Variants in MYCBP2 observed in about 807,000 individuals in gnomAD.
The protein encoded by MYCBP2 is MYC binding protein 2, also known as E3 ubiquitin-protein ligase MYCBP2.
A neutral mutation model predicts 525.3 loss-of-function variants in MYCBP2; 120 were observed. That is an observed-to-expected ratio of 0.23 (90% CI 0.20 to 0.27). The LOEUF is 0.27. Among genes scored for constraint, MYCBP2 ranks in the 10% least tolerant of loss-of-function variants. The probability of loss-of-function intolerance (pLI) is 1.00; values close to 1 mark genes in which losing one functional copy is unlikely to be tolerated. For missense variants in MYCBP2, 4,149 were observed against 5,657.1 expected (o/e 0.73, Z 8.55); for synonymous variants, 1,894 against 1,955.8 (o/e 0.97, Z 0.83).
At position 77,176,643 on chromosome 13, in the gene MYCBP2, T is replaced by A. The variant is rs201198960; in HGVS notation, c.5341-15A>T. 2.8e-5 allele frequency: 40 copies of A among 1,445,402 alleles called. No individual in the cohort carries two copies. The highest frequency in any genetic ancestry group is 1.7e-4 in the East Asian group (7 of 42,232). The allele number at this position is 1,445,402 out of a possible 1,614,324, so 89.5% of individuals were successfully genotyped here. A position where few individuals can be genotyped will look rare whatever the true frequency, so the allele number is the denominator to read the frequency against. On this transcript the variant is annotated splice_polypyrimidine_tract_variant and intron_variant, in intron 35 of 82. Coordinates refer to ENST00000544440, the MANE Select transcript of MYCBP2 (RefSeq NM_015057.5). ...GCATGTTCACTCTAAAAAAAAAAAATGAAACACAAAAATTCCAACAGACTC... is the reference window on the plus strand; with the variant it reads ...GCATGTTCACTCTAAAAAAAAAAAAAGAAACACAAAAATTCCAACAGACTC...
At chr13:77,229,925 T>C (rs1186068628) in intron 18 of MYCBP2, among the ~76,000 whole-genome samples, 1 of 152,190 alleles carries the variant, frequency 6.6e-6, no homozygotes, top group East Asian at 1.9e-4. Context: ...TAGGACTATC[T>C]CTAGAACAAT....
chr13:77,175,308 A>G (rs1388411006), intron 36 of MYCBP2, among the ~76,000 whole-genome samples: 1 of 151,952 alleles, frequency 6.6e-6, no homozygotes, highest in Non-Finnish European at 1.5e-5. Context: ...AGATGTGAGG[A>G]AAAAAATGGT....
At chr13:77,231,839 T>C (rs1352898162) in intron 18 of MYCBP2, among the ~76,000 whole-genome samples, 1 of 152,232 alleles carries the variant, frequency 6.6e-6, no homozygotes, top group Non-Finnish European at 1.5e-5. Context: ...AGATCAGACA[T>C]TCTGGCAAAT....
At position 77,168,558 on chromosome 13, in the gene MYCBP2, G is replaced by C; in HGVS notation, c.5984C>G (p.Pro1995Arg). 1 of 1,614,134 alleles carries C rather than the reference G, an allele frequency of 6.2e-7. No individual in the cohort carries two copies. The highest frequency in any genetic ancestry group is 8.5e-7 in the Non-Finnish European group (1 of 1,180,028). ...TGTGGTGCTATCTGTCGACTGATTAGGGTTGAAGGCAGGCGGTGCATACTT... is the reference window on the plus strand; with the variant it reads ...TGTGGTGCTATCTGTCGACTGATTACGGTTGAAGGCAGGCGGTGCATACTT... ...NQKYAPPAFN[P>R]NQSTDSTTGN... The change falls in exon 40 of 83, where the codon CCT (proline) becomes CGT (arginine). Residue 1995 changes from proline to arginine, a missense_variant. This residue lies in a region of MYCBP2 where 692 missense variants were observed against 852.7 expected (regional missense o/e 0.81). Coordinates refer to ENST00000544440, the MANE Select transcript of MYCBP2 (RefSeq NM_015057.5).
Position 77,064,632 on chromosome 13 carries a change from A to G in MYCBP2, c.12655T>C (p.Cys4219Arg). 7 of 1,612,300 alleles carry G rather than the reference A, an allele frequency of 4.3e-6. No individual in the cohort carries two copies. The highest frequency in any genetic ancestry group is 5.9e-6 in the Non-Finnish European group (7 of 1,179,032). ...MEEEFRSPVR[C>R]IATTRLWLAL... Reference sequence around the variant, plus strand: ...AAACCTACTCTAGTTGTTGCAATACATCTCACTGGAGACCTAAATTCTTCT... The same window carrying G: ...AAACCTACTCTAGTTGTTGCAATACGTCTCACTGGAGACCTAAATTCTTCT... Residue 4219 changes from cysteine (C) to arginine (R), a missense_variant, in exon 73 of 83, where the codon TGT (cysteine) becomes CGT (arginine). Physicochemically the swap from Cys to Arg is radical, Grantham distance 180 (BLOSUM62 -3). Around this residue, in one of 21 missense-constraint regions of MYCBP2, gnomAD observed 148 missense variants for 179.4 expected, o/e 0.82. Transcript: ENST00000544440.
Position 77,083,115 on chromosome 13 carries a change from G to C in MYCBP2, c.10953C>G (p.His3651Gln), listed in dbSNP as rs770386344. ...IAGEAAHPLP[H>Q]TFHRLLQTIS... ...TGGTCTGCAGCAAGCGGTGAAAGGT[G>C]TGTGGTAAAGGATGAGCAGCTTCCC... The change falls in exon 63 of 83, where the codon CAC becomes CAG. Residue 3651 changes from histidine (H) to glutamine (Q), a missense_variant. By Grantham distance (24) the His-to-Gln change is conservative. This residue lies in a region of MYCBP2 where 509 missense variants were observed against 789.4 expected (regional missense o/e 0.64). Transcript: ENST00000544440. 1 of 1,613,586 alleles carries C rather than the reference G, an allele frequency of 6.2e-7. No individual in the cohort carries two copies. The highest frequency in any genetic ancestry group is 1.1e-5 in the South Asian group (1 of 91,066).
chr13:77,243,551 T>C (rs2069261806), intron 16 of MYCBP2, among the ~76,000 whole-genome samples: 1 of 151,298 alleles, frequency 6.6e-6, no homozygotes, highest in South Asian at 2.1e-4. Context: ...AGGCGGAGGT[T>C]GCAGTGAGCT....
At chr13:77,125,692 T>C (rs962197238) in intron 53 of MYCBP2, among the ~76,000 whole-genome samples, 1 of 152,184 alleles carries the variant, frequency 6.6e-6, no homozygotes, top group African/African-American at 2.4e-5. Context: ...ATAATAACTT[T>C]CAAAGCACAA....
At position 77,146,206 on chromosome 13, in the gene MYCBP2, A is replaced by G. The variant is rs1278148851; in HGVS notation, c.7143T>C (p.Asn2381=). 3 of 1,594,406 alleles carry G rather than the reference A, an allele frequency of 1.9e-6. No homozygotes were observed. Among genetic ancestry groups the G allele is most frequent in the South Asian group, 1.2e-5 (1 of 86,438 alleles). The change falls in exon 48 of 83, where the codon AAT becomes AAC. Residue 2381 remains asparagine, a synonymous_variant. Coordinates refer to ENST00000544440, the MANE Select transcript of MYCBP2 (RefSeq NM_015057.5). ...CAAAACGTAGTTCTTCAAATGAATA[A>G]TTTTCATAAACCTTTAAGAAAGAGA... ...IAITMMKVYE[N]YSFEELRFAS...
chr13:77,262,761 T>C (rs2073514003), intron 10 of MYCBP2, among the ~76,000 whole-genome samples: 2 of 152,140 alleles, frequency 1.3e-5, no homozygotes, highest in South Asian at 4.1e-4. Flanking sequence ...TGAGTAATTG[T>C]AGCTTTACAT....
At chr13:77,307,935 T>C (rs1437748583) in intron 1 of MYCBP2, among the ~76,000 whole-genome samples, 2 of 152,162 alleles carry the variant, frequency 1.3e-5, no homozygotes, top group Non-Finnish European at 2.9e-5. Context: ...TTCCTCTTCC[T>C]GTCCCTTAAG....
chr13:77,218,281 A>T (rs149782128), intron 20 of MYCBP2, among the ~76,000 whole-genome samples: 1 of 152,298 alleles, frequency 6.6e-6, no homozygotes, highest in East Asian at 1.9e-4. Flanking sequence ...CCTGTTAGAG[A>T]TCTTTATAAA....
At chr13:77,164,403 C>G in intron 43 of MYCBP2, 51 bp downstream of exon 43, 1 of 1,257,768 alleles carries the variant, frequency 8.0e-7, no homozygotes, top group Non-Finnish European at 1.2e-6. Flanking sequence ...ATAATACATA[C>G]AAAACAAAAC....
At position 77,093,805 on chromosome 13, in the gene MYCBP2, G is replaced by A. The variant is rs2045810233; in HGVS notation, c.10200-473C>T. 2.6e-5 allele frequency among the ~76,000 whole-genome samples: 4 copies of A among 151,846 alleles called. No homozygotes were observed. The South Asian group carries it at 8.3e-4, about 32-fold the overall frequency. On this transcript the variant is annotated intron_variant, in intron 58 of 82. Coordinates refer to ENST00000544440, the MANE Select transcript of MYCBP2 (RefSeq NM_015057.5). ...TGAAATACAAGCAGTTACTTTTTTG[G>A]GTAGGAACATACATAAGATCATATT...
intron 49 of MYCBP2, 44 bp from the exon 50 acceptor site, chr13:77,140,987 G>A (rs780233341): frequency 4.8e-5 from 66 of 1,383,244 alleles, no homozygotes; most frequent in Admixed American, 1.0e-4. Context: ...GAAAAAAAGA[G>A]AAGGAAGATC....
chr13:77,058,979 C>T lies in MYCBP2; in HGVS notation c.13140+544G>A, dbSNP rs568615646. Reference sequence around the variant, plus strand: ...CAGCCTGGGCGACACAGCCAGACTCCGTCTCAAAAAAATAAAAAATAAAAA... The same window carrying T: ...CAGCCTGGGCGACACAGCCAGACTCTGTCTCAAAAAAATAAAAAATAAAAA... On this transcript the variant is annotated intron_variant, in intron 77 of 82. Transcript: ENST00000544440. This position sits in a 1 kb window ranked among gnomAD's most constrained non-coding sequence, Gnocchi z 4.1. 1.4e-4 allele frequency among the ~76,000 whole-genome samples: 22 copies of T among 151,852 alleles called. No individual in the cohort carries two copies. Among genetic ancestry groups the T allele is most frequent in the African/African-American group, 3.4e-4 (14 of 41,420 alleles).
In MYCBP2 at chr13:77,109,876, G is replaced by A. The variant is rs573256674; in HGVS notation, c.8141-10863C>T. 8 of 152,240 alleles carry A rather than the reference G, an allele frequency of 5.3e-5. No individual in the cohort carries two copies. In the East Asian group the frequency reaches 1.5e-3, roughly 29 times the overall value. The allele number at this position is 152,240 out of a possible 1,614,324, so 9.4% of individuals were successfully genotyped here. A position where few individuals can be genotyped will look rare whatever the true frequency, so the allele number is the denominator to read the frequency against. The stretch of plus-strand genomic sequence containing the variant: ...TGAACATAAATTGTGAAGATTTCAT[G>A]GACATTTATCAGTTCCCAAATAATA... On this transcript the variant is annotated intron_variant, in intron 55 of 82. Coordinates refer to ENST00000544440, the MANE Select transcript of MYCBP2 (RefSeq NM_015057.5).
intron 1 of MYCBP2, among the ~76,000 whole-genome samples, chr13:77,303,190 G>A (rs767992966): frequency 1.1e-4 from 17 of 152,082 alleles, no homozygotes; most frequent in South Asian, 2.1e-4. Flanking sequence ...AAAATTAGCC[G>A]GGCGTGGTGG....
chr13:77,045,846 CT>C (rs2035458179), intron 82 of MYCBP2, among the ~76,000 whole-genome samples: 1 of 152,096 alleles, frequency 6.6e-6, no homozygotes. Context: ...TCAATTTAGT[CT>C]GGCAGAACAT....
Sources: gnomAD v4.1 joint callset for allele counts (sites outside exome capture counted in the v4.1 genomes callset) on GRCh38, gnomAD v4.1.1 for gene constraint, gnomAD v4.1.1 regional missense constraint, Gnocchi (gnomAD v3.1) non-coding constraint, MANE v1.5 for transcripts, NCBI Gene and HGNC (gene_info 2026-07-23, HGNC 2026-07-21) for gene names.